The following RHOJ variants were observed in gnomAD, a reference collection of about 807,000 sequenced individuals.
The protein encoded by RHOJ is rho-related GTP-binding protein RhoJ.
Under a neutral mutation model 23.4 loss-of-function variants are expected in RHOJ, and 11 were observed. The observed-to-expected ratio is 0.47, with a 90% confidence interval of 0.30 to 0.78. RHOJ has a LOEUF of 0.78. Ranked by LOEUF, RHOJ falls within the 30% of genes least tolerant of loss-of-function variation. The pLI is 0.08. For missense variants in RHOJ, 254 were observed against 273.4 expected (o/e 0.93, Z 0.50); for synonymous variants, 102 against 102.7 (o/e 0.99, Z 0.04).
At chr14:63,247,223 G>A (rs78389997) in intron 1 of RHOJ, among the ~76,000 whole-genome samples, 8,302 of 152,308 alleles carry the variant, frequency 0.055, 283 homozygotes, top group East Asian at 0.14. Context: ...TAAACAGTAA[G>A]TAGTATGTGG....
intron 1 of RHOJ, among the ~76,000 whole-genome samples, chr14:63,260,095 C>T (rs1022775210): frequency 2.0e-5 from 3 of 152,192 alleles, no homozygotes. Flanking sequence ...TATACCTAGA[C>T]ATTGTCAATA....
intron 1 of RHOJ, among the ~76,000 whole-genome samples, chr14:63,213,415 G>A (rs1219782588): frequency 6.6e-6 from 1 of 152,106 alleles, no homozygotes; most frequent in Non-Finnish European, 1.5e-5. Flanking sequence ...ATGTTACTTT[G>A]CTTAGGATAA....
At chr14:63,231,398 T>G (rs1333738436) in intron 1 of RHOJ, among the ~76,000 whole-genome samples, 1 of 152,194 alleles carries the variant, frequency 6.6e-6, no homozygotes, top group Non-Finnish European at 1.5e-5. Flanking sequence ...ACTACTCAAA[T>G]AAAGTAAAAT....
chr14:63,224,951 CTTTTT>C (rs34008880), intron 1 of RHOJ, among the ~76,000 whole-genome samples: 2 of 113,818 alleles, frequency 1.8e-5, no homozygotes, highest in Non-Finnish European at 1.9e-5. Flanking sequence ...ATCATTTATA[CTTTTT>C]TTTTTTTTTT....
intron 4 of RHOJ, chr14:63,288,299 C>A (rs547576331): frequency 1.0e-6 from 1 of 985,400 alleles, no homozygotes; most frequent in East Asian, 1.1e-4. Flanking sequence ...AGTGCCCTGC[C>A]CCTCCTGCAG....
intron 1 of RHOJ, among the ~76,000 whole-genome samples, chr14:63,206,177 C>A (rs1894105157): frequency 6.6e-6 from 1 of 152,164 alleles, no homozygotes; most frequent in Non-Finnish European, 1.5e-5. Context: ...ACTGCTTCCC[C>A]CTACACTTAC....
chr14:63,288,392 A>G, intron 4 of RHOJ: 2 of 949,060 alleles, frequency 2.1e-6, no homozygotes, highest in Non-Finnish European at 2.5e-6. Context: ...CTTAGTGGAG[A>G]GGTATTCCAG....
intron 1 of RHOJ, among the ~76,000 whole-genome samples, chr14:63,261,598 A>ATTT (rs113442479): frequency 7.3e-6 from 1 of 137,890 alleles, no homozygotes; most frequent in African/African-American, 2.6e-5. Context: ...TGCCCAGCTA[A>ATTT]TTTTTTTTTT....
intron 1 of RHOJ, among the ~76,000 whole-genome samples, chr14:63,255,102 T>C (rs1163456026): frequency 1.3e-5 from 2 of 152,112 alleles, no homozygotes; most frequent in African/African-American, 4.8e-5. Flanking sequence ...GGTTACTTTG[T>C]TATAATTTCA....
chr14:63,273,161 G>A (rs530143478), intron 2 of RHOJ, among the ~76,000 whole-genome samples: 2 of 152,322 alleles, frequency 1.3e-5, no homozygotes, highest in East Asian at 3.9e-4. Flanking sequence ...TTTGAAGATA[G>A]ATTCTTCACA....
At chr14:63,280,322 T>A (rs376891428) in intron 2 of RHOJ, among the ~76,000 whole-genome samples, 7 of 152,060 alleles carry the variant, frequency 4.6e-5, no homozygotes, top group African/African-American at 1.7e-4. Context: ...CTGTGCCTGG[T>A]CAGGTGAACT....
At chr14:63,230,573 G>A (rs1443392854) in intron 1 of RHOJ, among the ~76,000 whole-genome samples, 1 of 151,958 alleles carries the variant, frequency 6.6e-6, no homozygotes, top group African/African-American at 2.4e-5. Flanking sequence ...CTGCTCAAAT[G>A]TCACGTTAGC....
At chr14:63,282,213 CCTTT>C (rs1368531620) in intron 3 of RHOJ, among the ~76,000 whole-genome samples, 2 of 151,896 alleles carry the variant, frequency 1.3e-5, no homozygotes, top group Non-Finnish European at 2.9e-5. Flanking sequence ...CATTCAATCA[CCTTT>C]CTGTGATTCA....
intron 2 of RHOJ, among the ~76,000 whole-genome samples, chr14:63,278,491 T>C (rs567273281): frequency 2.0e-5 from 3 of 152,210 alleles, no homozygotes; most frequent in Admixed American, 1.3e-4. Context: ...GTTTGTTACA[T>C]AGGTATACAC....
At position 63,227,561 on chromosome 14, in the gene RHOJ, A is replaced by C. The variant is rs60075488; in HGVS notation, c.178+22514A>C. Among the ~76,000 whole-genome samples the C allele has an allele frequency of 4.0e-3, 603 of 152,370 alleles. 12 individuals are homozygous for C. In the East Asian group the frequency reaches 0.054, roughly 14 times the overall value. On this transcript the variant is annotated intron_variant, in intron 1 of 4. Transcript: ENST00000316754. ...AATAGCCAAGAAAAATCTAAAGAAC[A>C]CAAAAAGGAACAATACCCTATGAGT...
chr14:63,205,065 ACT>A lies in RHOJ; in HGVS notation c.178+23_178+24del. On this transcript the variant is annotated intron_variant, in intron 1 of 4. Transcript: ENST00000316754. ...CTATGCAGGTAAGAAAAAGTGGGAA[ACT>A]CTCTGCATCCAGACAAACGATGCAG... The A allele has an allele frequency of 1.9e-6, 3 of 1,606,736 alleles. No homozygotes were observed. Among genetic ancestry groups the A allele is most frequent in the Non-Finnish European group, 2.6e-6 (3 of 1,175,618 alleles).
intron 4 of RHOJ, among the ~76,000 whole-genome samples, chr14:63,290,286 T>C (rs1443021788): frequency 6.6e-6 from 1 of 152,160 alleles, no homozygotes; most frequent in Non-Finnish European, 1.5e-5. Flanking sequence ...ATAATGCCAA[T>C]TGGATATTAC....
intron 1 of RHOJ, among the ~76,000 whole-genome samples, chr14:63,251,978 G>A (rs1018809453): frequency 4.6e-5 from 7 of 152,064 alleles, no homozygotes; most frequent in South Asian, 2.1e-4. Context: ...AAACTTAGCC[G>A]GGCTTGGTGG....
At chr14:63,272,745 G>A (rs1895493962) in intron 2 of RHOJ, among the ~76,000 whole-genome samples, 1 of 152,158 alleles carries the variant, frequency 6.6e-6, no homozygotes, top group African/African-American at 2.4e-5. Flanking sequence ...TTTATAATGG[G>A]CTGGGCACGG....
Sources: gnomAD v4.1 joint callset for allele counts (sites outside exome capture counted in the v4.1 genomes callset) on GRCh38, gnomAD v4.1.1 for gene constraint, MANE v1.5 for transcripts, NCBI Gene and HGNC (gene_info 2026-07-23, HGNC 2026-07-21) for gene names.